Variants in CNTN2 observed in about 807,000 individuals in gnomAD.
CNTN2 encodes contactin-2.
A neutral mutation model predicts 117.5 loss-of-function variants in CNTN2; 53 were observed. The ratio of observed to expected loss-of-function variants is 0.45; its 90% CI spans 0.36 to 0.57. The LOEUF (loss-of-function observed/expected upper bound fraction) is 0.57, where lower values mean the gene tolerates loss of function less well. Ranked by LOEUF, CNTN2 falls within the 20% of genes least tolerant of loss-of-function variation. CNTN2 has a pLI of 0.00. For synonymous variants in CNTN2, 530 were observed against 561.7 expected (o/e 0.94, Z 0.80); for missense variants, 1,106 against 1,404.3 (o/e 0.79, Z 3.39).
Position 205,072,123 on chromosome 1 carries a change from C to T in CNTN2, c.2721C>T (p.Thr907=), listed in dbSNP as rs948300529. 1 of 1,609,662 alleles carries T rather than the reference C, an allele frequency of 6.2e-7. No individual in the cohort carries two copies. The highest frequency in any genetic ancestry group is 8.5e-7 in the Non-Finnish European group (1 of 1,178,624). Residue 907 remains threonine, a synonymous_variant, in exon 20 of 23, where the codon ACC becomes ACT. Coordinates refer to ENST00000331830, the MANE Select transcript of CNTN2 (RefSeq NM_005076.5). ...GPASPSANAT[T]MKPPPRRPPG... is the part of the protein sequence containing the mutation. ...CCAGCCCTTCTGCCAACGCCACGAC[C>T]ATGAAGCCCCGTGAGTCTGTCTGCC... is the stretch of plus-strand genomic sequence containing the variant.
Position 205,074,806 on chromosome 1 carries a change from G to A in CNTN2, c.*1041G>A. ...ATTCATGCTGTGTGTCCTGGTATTG[G>A]GAGGTTTCTGGGAAGGGCAGAGGAT... is the stretch of plus-strand genomic sequence containing the variant. On this transcript the variant is annotated 3_prime_UTR_variant, in exon 23 of 23. Transcript: ENST00000331830. 1 of 398,658 alleles carries A rather than the reference G, an allele frequency of 2.5e-6. No individual in the cohort carries two copies. The highest frequency in any genetic ancestry group is 4.4e-6 in the Non-Finnish European group (1 of 226,128). 24.7% of individuals were successfully genotyped at this position (398,658 alleles called of 1,614,324 possible).
chr1:205,049,281 G>GACACACACACAC (rs3835569), intron 1 of CNTN2, among the ~76,000 whole-genome samples: 14 of 120,732 alleles, frequency 1.2e-4, no homozygotes, highest in African/African-American at 3.3e-4. Context: ...CCTCACACCC[G>GACACACACACAC]ACACACACAC....
rs368591643 is a variant in CNTN2, at chr1:205,070,076, G to A, written c.2431+15G>A. 6.2e-6 allele frequency: 10 copies of A among 1,611,496 alleles called. No homozygotes were observed. Among genetic ancestry groups the A allele is most frequent in the Non-Finnish European group, 8.5e-6 (10 of 1,178,616 alleles). On this transcript the variant is annotated intron_variant, in intron 18 of 22. Transcript: ENST00000331830. ...AGCTGAGGAAGGTGGGCTGCCCCTG[G>A]GCCCCCTGCTCGTCCCTACCCCAGC...
chr1:205,069,480 G>C lies in CNTN2; in HGVS notation c.2126-11G>C. ...TAACAAGCCATATCGGTGTCCCTTG[G>C]CCCTTGACAGCCCCCTCGGTGGCAC... On this transcript the variant is annotated splice_polypyrimidine_tract_variant and intron_variant, in intron 16 of 22. Transcript: ENST00000331830. The C allele has an allele frequency of 6.2e-7, 1 of 1,613,932 alleles. No homozygotes were observed. The highest frequency in any genetic ancestry group is 8.5e-7 in the Non-Finnish European group (1 of 1,179,958).
intron 16 of CNTN2, chr1:205,068,802 A>T (rs1250654336): frequency 6.6e-6 from 1 of 152,258 alleles, no homozygotes; most frequent in Non-Finnish European, 1.5e-5. Context: ...ATCAGAAGCA[A>T]GTGAAAAATC....
rs1184667325 is a variant in CNTN2, at chr1:205,062,452, G to T, written c.1123G>T (p.Val375Leu). 2 of 1,613,778 alleles carry T rather than the reference G, an allele frequency of 1.2e-6. No individual in the cohort carries two copies. Among genetic ancestry groups the T allele is most frequent in the South Asian group, 2.2e-5 (2 of 91,016 alleles). Residue 375 changes from valine to leucine, a missense_variant, in exon 10 of 23, where the codon GTG becomes TTG. By Grantham distance (32) the Val-to-Leu change is conservative. Transcript: ENST00000331830. ...CTCTTCTGCACAGAACCGGGTGGAG[G>T]TGTTGGCTGGGGACCTGCGGTTCTC... ...EPLASQNRVE[V>L]LAGDLRFSKL...
chr1:205,067,951 A>G (rs1024541696), intron 16 of CNTN2: 1 of 154,068 alleles, frequency 6.5e-6, no homozygotes, highest in African/African-American at 2.4e-5. Flanking sequence ...AAAAAAAAAA[A>G]AAAAGAAAGA....
At position 205,064,763 on chromosome 1, in the gene CNTN2, A is replaced by G; in HGVS notation, c.1519+13A>G. ...CTATCTGTGCGAGGTGAGGGCTGCC[A>G]TGTGGGTAGGCCGGGGGCTCAGCCT... On this transcript the variant is annotated intron_variant, in intron 12 of 22. Transcript: ENST00000331830. 1 of 1,613,560 alleles carries G rather than the reference A, an allele frequency of 6.2e-7. No homozygotes were observed. Among genetic ancestry groups the G allele is most frequent in the Non-Finnish European group, 8.5e-7 (1 of 1,179,778 alleles).
chr1:205,066,250 C>T, intron 14 of CNTN2, 191 bp from the exon 15 acceptor site: 1 of 654,522 alleles, frequency 1.5e-6, no homozygotes, highest in South Asian at 1.9e-5. Flanking sequence ...AGACACATCC[C>T]TCCACCCAAC....
Position 205,075,406 on chromosome 1 carries a change from GC to G in CNTN2, c.*1642del, listed in dbSNP as rs1654809154. ...GCCAAAGCAAGAGCAGATTCCCTAG[GC>G]AAGAGCAGCAGCACAACTAGGAAAC... is the stretch of plus-strand genomic sequence containing the variant. On this transcript the variant is annotated 3_prime_UTR_variant, in exon 23 of 23. Coordinates refer to ENST00000331830, the MANE Select transcript of CNTN2 (RefSeq NM_005076.5). The G allele has an allele frequency of 1.3e-5, 2 of 152,834 alleles. No individual in the cohort carries two copies. The highest frequency in any genetic ancestry group is 4.1e-4 in the South Asian group (2 of 4,826). 9.5% of individuals were successfully genotyped at this position (152,834 alleles called of 1,614,324 possible).
chr1:205,058,915 G>C lies in CNTN2; in HGVS notation c.488-169G>C, dbSNP rs1653811554. On this transcript the variant is annotated intron_variant, in intron 5 of 22. Transcript: ENST00000331830. The surrounding 1 kb of genome is among the most constrained non-coding windows in gnomAD (Gnocchi z 4.3). ...CCTGGCAGACTTAGCGCTCCCTGAG[G>C]GCAGGAATAAAGTCACTTCTTCCCT... is the stretch of plus-strand genomic sequence containing the variant. The C allele has an allele frequency of 1.4e-6, 1 of 710,422 alleles. No homozygotes were observed. The allele number at this position is 710,422 out of a possible 1,614,324, so 44.0% of individuals were successfully genotyped here. A position where few individuals can be genotyped will look rare whatever the true frequency, so the allele number is the denominator to read the frequency against.
chr1:205,061,357 T>C lies in CNTN2; in HGVS notation c.910T>C (p.Tyr304His). Residue 304 changes from tyrosine to histidine, a missense_variant, in exon 8 of 23, where the codon TAC (tyrosine) becomes CAC (histidine). Coordinates refer to ENST00000331830, the MANE Select transcript of CNTN2 (RefSeq NM_005076.5). This position sits in a 1 kb window ranked among gnomAD's most constrained non-coding sequence, Gnocchi z 4.8. ...CGTCAGCTTTGAGGATGAGGGCACC[T>C]ACGAGTGTGAGGCGGAGAACTCCAA... ...PSVSFEDEGT[Y>H]ECEAENSKGR... The C allele has an allele frequency of 6.2e-7, 1 of 1,613,788 alleles. No homozygotes were observed. The highest frequency in any genetic ancestry group is 8.5e-7 in the Non-Finnish European group (1 of 1,179,864).
intron 2 of CNTN2, among the ~76,000 whole-genome samples, chr1:205,056,639 A>G (rs892671067): frequency 2.0e-5 from 3 of 152,164 alleles, no homozygotes; most frequent in East Asian, 3.8e-4. Flanking sequence ...CCCTTTCCCC[A>G]TGACCCACCA....
chr1:205,067,841 T>A (rs1654376256), intron 16 of CNTN2: 1 of 135,964 alleles, frequency 7.4e-6, no homozygotes, highest in African/African-American at 2.8e-5. Context: ...AGCAGGAGAA[T>A]CGCTTGAACC....
At position 205,065,344 on chromosome 1, in the gene CNTN2, C is replaced by T; in HGVS notation, c.1695+82C>T. The T allele has an allele frequency of 1.4e-6, 2 of 1,473,866 alleles. No individual in the cohort carries two copies. Among genetic ancestry groups the T allele is most frequent in the Non-Finnish European group, 1.9e-6 (2 of 1,074,852 alleles). The allele number at this position is 1,473,866 out of a possible 1,614,324, so 91.3% of individuals were successfully genotyped here. On this transcript the variant is annotated intron_variant, in intron 13 of 22. Transcript: ENST00000331830. This position sits in a 1 kb window ranked among gnomAD's most constrained non-coding sequence, Gnocchi z 4.1. ...CCCAAGATGTCCTTAGCCATCCTCA[C>T]CTTTAAGAAACCCATAGCCTAAGCG...
chr1:205,073,823 G>C lies in CNTN2; in HGVS notation c.*58G>C. The C allele has an allele frequency of 7.0e-7, 1 of 1,419,570 alleles. No individual in the cohort carries two copies. Among genetic ancestry groups the C allele is most frequent in the Non-Finnish European group, 9.8e-7 (1 of 1,018,692 alleles). 87.9% of individuals were successfully genotyped at this position (1,419,570 alleles called of 1,614,324 possible). Reference sequence around the variant, plus strand: ...ACGCCACCTCCGACGGACACAGCCAGCCCCTTCCTGCTGCCAAGGTGGCCT... The same window carrying C: ...ACGCCACCTCCGACGGACACAGCCACCCCCTTCCTGCTGCCAAGGTGGCCT... On this transcript the variant is annotated 3_prime_UTR_variant, in exon 23 of 23. Transcript: ENST00000331830. This position sits in a 1 kb window ranked among gnomAD's most constrained non-coding sequence, Gnocchi z 6.3.
chr1:205,058,699 A>T lies in CNTN2; in HGVS notation c.487+36A>T. 6.6e-7 allele frequency: 1 copy of T among 1,524,420 alleles called. No individual in the cohort carries two copies. The highest frequency in any genetic ancestry group is 9.0e-7 in the Non-Finnish European group (1 of 1,106,736). 94.4% of individuals were successfully genotyped at this position (1,524,420 alleles called of 1,614,324 possible). ...ACCTGGGGCCAGGGTTAGAGAGGGC[A>T]CAGGAAGGGCTTCCAGATGCTTGGC... On this transcript the variant is annotated intron_variant, in intron 5 of 22. Transcript: ENST00000331830. The surrounding 1 kb of genome is among the most constrained non-coding windows in gnomAD (Gnocchi z 4.3).
rs1163670863 is a variant in CNTN2 at position 205,059,665 on chromosome 1, G to A, written c.780G>A (p.Glu260=). The A allele has an allele frequency of 1.2e-6, 2 of 1,613,802 alleles. No individual in the cohort carries two copies. Among genetic ancestry groups the A allele is most frequent in the East Asian group, 2.2e-5 (1 of 44,808 alleles). Residue 260 remains glutamate (E), a synonymous_variant, in exon 7 of 23, where the codon GAG becomes GAA. Coordinates refer to ENST00000331830, the MANE Select transcript of CNTN2 (RefSeq NM_005076.5). This position sits in a 1 kb window ranked among gnomAD's most constrained non-coding sequence, Gnocchi z 5.6. ...YALVGQQVTL[E]CFAFGNPVPR... is the part of the protein sequence containing the mutation. Reference sequence around the variant, plus strand: ...TGGTGGGGCAGCAGGTCACCCTGGAGTGCTTCGCCTTTGGGAAGTGAGTGT... The same window carrying A: ...TGGTGGGGCAGCAGGTCACCCTGGAATGCTTCGCCTTTGGGAAGTGAGTGT...
In CNTN2 at chr1:205,065,520, T is replaced by C. The variant is rs1654235228; in HGVS notation, c.1695+258T>C. On this transcript the variant is annotated intron_variant, in intron 13 of 22. Coordinates refer to ENST00000331830, the MANE Select transcript of CNTN2 (RefSeq NM_005076.5). The surrounding 1 kb of genome is among the most constrained non-coding windows in gnomAD (Gnocchi z 4.1). ...CACCAAGACACTCCCACTACTGTTC[T>C]TGTTAGCCTGTCCCCTAGGGCAAAT... 6.6e-6 allele frequency among the ~76,000 whole-genome samples: 1 copy of C among 152,122 alleles called. No individual in the cohort carries two copies. The highest frequency in any genetic ancestry group is 6.6e-5 in the Admixed American group (1 of 15,264).
Sources: allele counts gnomAD v4.1 joint callset (sites outside exome capture counted in the v4.1 genomes callset), GRCh38; gene constraint gnomAD v4.1.1; non-coding constraint Gnocchi (gnomAD v3.1); transcripts MANE v1.5; gene names NCBI Gene and HGNC (gene_info 2026-07-23, HGNC 2026-07-21).